Variants in MET observed in about 807,000 individuals in gnomAD.
MET encodes the protein MET proto-oncogene, receptor tyrosine kinase.
A neutral mutation model predicts 133.1 loss-of-function variants in MET; 48 were observed. That is an observed-to-expected ratio of 0.36 (90% CI 0.29 to 0.46). The LOEUF is 0.46. MET is among the 20% of genes least tolerant of loss of function. MET has a pLI of 1.00. For missense variants in MET, 1,442 were observed against 1,695.9 expected (o/e 0.85, Z 2.63); for synonymous variants, 628 against 616.5 (o/e 1.02, Z -0.28).
intron 1 of MET, among the ~76,000 whole-genome samples, chr7:116,685,842 CTT>C (rs1279628429): frequency 6.6e-6 from 1 of 152,112 alleles, no homozygotes; most frequent in Non-Finnish European, 1.5e-5. Context: ...GCATATTCTC[CTT>C]TTTTTCTCAC....
At chr7:116,741,540 G>T (rs983511699) in intron 5 of MET, among the ~76,000 whole-genome samples, 1 of 152,172 alleles carries the variant, frequency 6.6e-6, no homozygotes, top group East Asian at 1.9e-4. Flanking sequence ...CCATGCTGGG[G>T]CACACAGGAC....
At chr7:116,772,165 C>T (rs1006320975) in intron 14 of MET, among the ~76,000 whole-genome samples, 176 bp downstream of exon 14, 1 of 152,044 alleles carries the variant, frequency 6.6e-6, no homozygotes, top group Non-Finnish European at 1.5e-5. Context: ...TTAAAAGAAC[C>T]CATGTATATA....
intron 10 of MET, among the ~76,000 whole-genome samples, chr7:116,760,029 G>A (rs1171942845): frequency 6.6e-6 from 1 of 152,076 alleles, no homozygotes; most frequent in Admixed American, 6.6e-5. Context: ...TGCCCACCTC[G>A]GCCTCCCAAA....
chr7:116,675,111 A>T (rs1796111359), intron 1 of MET, among the ~76,000 whole-genome samples: 1 of 152,232 alleles, frequency 6.6e-6, no homozygotes. Context: ...TCTCAGTAAT[A>T]AATGATAGAT....
Position 116,699,364 on chromosome 7 carries a change from G to C in MET, c.280G>C (p.Asp94His), listed in dbSNP as rs899151863. ...GACTGGGCCTGTGCTGGAACACCCA[G>C]ATTGTTTCCCATGTCAGGACTGCAG... ...YKTGPVLEHP[D>H]CFPCQDCSSK... The change falls in exon 2 of 21, where the codon GAT (aspartate) becomes CAT (histidine). Residue 94 changes from aspartate to histidine, a missense_variant. Transcript: ENST00000397752. 5.6e-6 allele frequency: 9 copies of C among 1,613,914 alleles called. No homozygotes were observed. The highest frequency in any genetic ancestry group is 8.5e-7 in the Non-Finnish European group (1 of 1,179,962).
intron 1 of MET, among the ~76,000 whole-genome samples, chr7:116,674,596 C>T (rs776798807): frequency 3.9e-5 from 6 of 152,324 alleles, no homozygotes; most frequent in African/African-American, 7.2e-5. Flanking sequence ...CTCAAAACAA[C>T]GTGAATAACT....
chr7:116,796,355 T>G lies in MET; in HGVS notation c.*231T>G, dbSNP rs59399612. On this transcript the variant is annotated 3_prime_UTR_variant, in exon 21 of 21. Transcript: ENST00000397752. ...CAATGGCCTGCAGCCGTGACAACAC[T>G]CCTGTCATATTGGAGTCCAAAACTT... is the stretch of plus-strand genomic sequence containing the variant. 1.1e-3 allele frequency: 610 copies of G among 564,130 alleles called. No individual in the cohort carries two copies. The highest frequency in any genetic ancestry group is 9.3e-3 in the African/African-American group (496 of 53,452). The allele number at this position is 564,130 out of a possible 1,614,324, so 34.9% of individuals were successfully genotyped here.
intron 2 of MET, among the ~76,000 whole-genome samples, chr7:116,702,417 A>G (rs193098192): frequency 6.2e-4 from 95 of 152,210 alleles, no homozygotes; most frequent in Non-Finnish European, 5.9e-5. Flanking sequence ...CCCCATCCAG[A>G]CCTCAGATTG....
intron 11 of MET, among the ~76,000 whole-genome samples, chr7:116,766,448 A>G (rs893806462): frequency 7.2e-5 from 11 of 152,092 alleles, no homozygotes; most frequent in Non-Finnish European, 1.5e-4. Context: ...TGGGCATTGG[A>G]AGGATCAAAA....
Position 116,797,811 on chromosome 7 carries a change from A to C in MET, c.*1687A>C. 1 of 224,746 alleles carries C rather than the reference A, an allele frequency of 4.4e-6. No individual in the cohort carries two copies. The highest frequency in any genetic ancestry group is 2.2e-5 in the African/African-American group (1 of 45,004). 13.9% of individuals were successfully genotyped at this position (224,746 alleles called of 1,614,324 possible). On this transcript the variant is annotated 3_prime_UTR_variant, in exon 21 of 21. Transcript: ENST00000397752. ...TACACCCCACCCTCATTACATCATC[A>C]GGACTTGAAGCCAAGGGTTAACCCA...
chr7:116,759,753 T>C (rs938520332), intron 10 of MET, among the ~76,000 whole-genome samples: 1 of 152,128 alleles, frequency 6.6e-6, no homozygotes, highest in Non-Finnish European at 1.5e-5. Flanking sequence ...TGAGACAGTG[T>C]TTTTTTATGT....
intron 1 of MET, among the ~76,000 whole-genome samples, chr7:116,678,466 CTGTT>C (rs1562872029): frequency 6.6e-6 from 1 of 152,038 alleles, no homozygotes; most frequent in African/African-American, 2.4e-5. Context: ...TGGGGAATAA[CTGTT>C]TGATAAGACC....
At chr7:116,686,239 C>A (rs1796551738) in intron 1 of MET, among the ~76,000 whole-genome samples, 1 of 152,214 alleles carries the variant, frequency 6.6e-6, no homozygotes, top group African/African-American at 2.4e-5. Context: ...TTGATCTCAG[C>A]TCCCGGTCAA....
intron 19 of MET, 122 bp from the exon 20 acceptor site, chr7:116,795,533 C>G (rs1795641303): frequency 2.3e-6 from 3 of 1,331,352 alleles, no homozygotes; most frequent in South Asian, 2.4e-5. Flanking sequence ...AAAATTGTTG[C>G]CCAAAACAGA....
chr7:116,779,061 G>A, intron 17 of MET, 104 bp downstream of exon 17: 2 of 1,153,618 alleles, frequency 1.7e-6, no homozygotes, highest in Non-Finnish European at 2.5e-6. Context: ...AGCCAAAGAT[G>A]CACATTTAAA....
intron 1 of MET, among the ~76,000 whole-genome samples, chr7:116,676,988 GT>G (rs11404514): frequency 0.32 from 47,895 of 147,596 alleles, 8,097 homozygotes; most frequent in Non-Finnish European, 0.38. Context: ...GTGTTGTTTT[GT>G]TTTTTTTTTT....
intron 2 of MET, among the ~76,000 whole-genome samples, chr7:116,700,992 A>G (rs1285898840): frequency 6.6e-6 from 1 of 152,152 alleles, no homozygotes; most frequent in African/African-American, 2.4e-5. Flanking sequence ...CTAGCTTGGC[A>G]CTTTACCTGG....
chr7:116,772,484 A>G (rs1371807236), intron 14 of MET, among the ~76,000 whole-genome samples: 1 of 152,204 alleles, frequency 6.6e-6, no homozygotes, highest in African/African-American at 2.4e-5. Context: ...AGACTTAGCC[A>G]AGGAAAACCT....
chr7:116,715,920 G>C (rs527334474), intron 2 of MET, among the ~76,000 whole-genome samples: 1 of 152,116 alleles, frequency 6.6e-6, no homozygotes, highest in African/African-American at 2.4e-5. Flanking sequence ...GATTGTAGGA[G>C]GCCATGTAGG....
Sources: gnomAD v4.1 joint callset for allele counts (sites outside exome capture counted in the v4.1 genomes callset) on GRCh38, gnomAD v4.1.1 for gene constraint, MANE v1.5 for transcripts, NCBI Gene and HGNC (gene_info 2026-07-23, HGNC 2026-07-21) for gene names.